Variants in STK24 observed in about 807,000 individuals in gnomAD.
STK24 encodes serine/threonine-protein kinase 24.
A neutral mutation model predicts 55.6 loss-of-function variants in STK24; 21 were observed. The ratio of observed to expected loss-of-function variants is 0.38; its 90% CI spans 0.27 to 0.54. STK24 has a LOEUF of 0.54. Among genes scored for constraint, STK24 ranks in the 20% least tolerant of loss-of-function variants. The pLI is 0.79. For missense variants in STK24, 383 were observed against 538.4 expected, an observed-to-expected ratio of 0.71 and a Z score of 2.86; for synonymous variants, 200 against 215.2, an observed-to-expected ratio of 0.93 and a Z score of 0.62.
intron 5 of STK24, among the ~76,000 whole-genome samples, chr13:98,474,053 G>A (rs536654076): frequency 6.6e-6 from 1 of 152,334 alleles, no homozygotes; most frequent in South Asian, 2.1e-4. Context: ...CCTTTTAACT[G>A]TGTACAGGGT....
intron 3 of STK24, among the ~76,000 whole-genome samples, chr13:98,476,281 A>T (rs1951153636): frequency 6.9e-6 from 1 of 145,122 alleles, no homozygotes; most frequent in African/African-American, 2.5e-5. Flanking sequence ...TCAGTCACAA[A>T]CAGTAATTCC....
At chr13:98,477,860 G>C (rs944723504) in intron 3 of STK24, among the ~76,000 whole-genome samples, 7 of 152,118 alleles carry the variant, frequency 4.6e-5, no homozygotes, top group African/African-American at 1.7e-4. Flanking sequence ...AGGGCGCTAA[G>C]AGGAAGAGGT....
At chr13:98,551,829 A>T (rs552332709) in intron 1 of STK24, among the ~76,000 whole-genome samples, 1 of 152,242 alleles carries the variant, frequency 6.6e-6, no homozygotes, top group Admixed American at 6.5e-5. Flanking sequence ...ACCATGGTGC[A>T]TTAAACATAG....
rs77463847 is a variant in STK24, at chr13:98,569,152, C to A, written c.42+7593G>T. ...TCCAGGAAGAACAGCACAGCCTGCA[C>A]ACACAGAAGCCGGTGCTGGCAGGGC... On this transcript the variant is annotated intron_variant, in intron 1 of 10. Coordinates refer to ENST00000539966, the MANE Select transcript of STK24 (RefSeq NM_001032296.4). Among the ~76,000 whole-genome samples the A allele has an allele frequency of 9.5e-3, 1,449 of 152,298 alleles. 6 individuals are homozygous for A. The highest frequency in any genetic ancestry group is 0.016 in the Non-Finnish European group (1,083 of 68,026).
intron 5 of STK24, among the ~76,000 whole-genome samples, chr13:98,469,546 A>ACCC (rs1245243535): frequency 3.9e-4 from 27 of 69,866 alleles, no homozygotes; most frequent in East Asian, 1.7e-3. Context: ...CCCCCCCCCA[A>ACCC]AAAAAAAAGG....
At chr13:98,541,769 T>G (rs1051416177) in intron 1 of STK24, among the ~76,000 whole-genome samples, 1 of 152,158 alleles carries the variant, frequency 6.6e-6, no homozygotes, top group Non-Finnish European at 1.5e-5. Context: ...CCATGACACT[T>G]TACCCTTTTA....
chr13:98,542,054 G>A (rs1223737567), intron 1 of STK24, among the ~76,000 whole-genome samples: 1 of 152,162 alleles, frequency 6.6e-6, no homozygotes, highest in Non-Finnish European at 1.5e-5. Flanking sequence ...TTCTCCAAGG[G>A]TCCACTAGGA....
At chr13:98,522,044 C>A in intron 1 of STK24, 4 of 1,408,542 alleles carry the variant, frequency 2.8e-6, no homozygotes, top group Admixed American at 6.0e-5. Context: ...CCTTCAAAGT[C>A]ATCTGGACCT....
At chr13:98,458,620 G>A (rs772917777) in intron 9 of STK24, among the ~76,000 whole-genome samples, 2 of 152,184 alleles carry the variant, frequency 1.3e-5, no homozygotes, top group Non-Finnish European at 2.9e-5. Context: ...TACAAGTCCC[G>A]AGAGGGTCAG....
chr13:98,529,264 C>T (rs373579581), intron 1 of STK24, among the ~76,000 whole-genome samples: 1 of 152,144 alleles, frequency 6.6e-6, no homozygotes, highest in African/African-American at 2.4e-5. Flanking sequence ...TCCTCTCTCA[C>T]CCCAACATGC....
chr13:98,548,926 A>T (rs1350416702), intron 1 of STK24, among the ~76,000 whole-genome samples: 1 of 151,556 alleles, frequency 6.6e-6, no homozygotes, highest in Non-Finnish European at 1.5e-5. Context: ...CCTTCAATAC[A>T]CATGTGGCTC....
At chr13:98,526,079 C>A (rs143417292) in intron 1 of STK24, among the ~76,000 whole-genome samples, 216 of 152,240 alleles carry the variant, frequency 1.4e-3, no homozygotes, top group African/African-American at 4.5e-3. Context: ...GGCTGGAGTG[C>A]GGTGGAGGGA....
chr13:98,485,810 G>C (rs1474575414), intron 2 of STK24, among the ~76,000 whole-genome samples: 1 of 152,244 alleles, frequency 6.6e-6, no homozygotes, highest in African/African-American at 2.4e-5. Flanking sequence ...GCTGAAGGTC[G>C]GCCCGGGGGA....
intron 5 of STK24, among the ~76,000 whole-genome samples, chr13:98,469,116 T>C (rs976680284): frequency 1.2e-4 from 19 of 152,226 alleles, no homozygotes; most frequent in Non-Finnish European, 1.5e-5. Context: ...GCCGAACGCC[T>C]GCTTGCGAAC....
At chr13:98,524,039 C>T (rs1416390382) in intron 1 of STK24, among the ~76,000 whole-genome samples, 4 of 152,076 alleles carry the variant, frequency 2.6e-5, no homozygotes, top group East Asian at 1.9e-4. Flanking sequence ...GCTGGCAGCC[C>T]GTCCACACCC....
chr13:98,494,267 G>A (rs12876019), intron 2 of STK24, among the ~76,000 whole-genome samples: 4 of 149,156 alleles, frequency 2.7e-5, no homozygotes, highest in East Asian at 4.1e-4. Flanking sequence ...AAAATTAGCC[G>A]GGCGTAGTGG....
intron 1 of STK24, among the ~76,000 whole-genome samples, chr13:98,560,434 T>C (rs1355985892): frequency 6.6e-6 from 1 of 152,210 alleles, no homozygotes; most frequent in Non-Finnish European, 1.5e-5. Flanking sequence ...TAATTTTAAG[T>C]CATAATATTG....
chr13:98,532,880 A>G (rs1288362959), intron 1 of STK24, among the ~76,000 whole-genome samples: 1 of 152,190 alleles, frequency 6.6e-6, no homozygotes, highest in Admixed American at 6.5e-5. Flanking sequence ...TATCTACCTG[A>G]GCTGTATTAA....
Position 98,446,772 on chromosome 13 carries a change from C to T in STK24, c.*6401G>A, listed in dbSNP as rs1419222294. 10 of 1,614,148 alleles carry T rather than the reference C, an allele frequency of 6.2e-6. No individual in the cohort carries two copies. The highest frequency in any genetic ancestry group is 1.6e-4 in the Middle Eastern group (1 of 6,062). On this transcript the variant is annotated 3_prime_UTR_variant, in exon 11 of 11. Transcript: ENST00000539966. ...TACGTGTTCAAGCTGCACTTCAAGTCCCACGTCTACTACTTCAGGGCGGAA... is the reference window on the plus strand; with the variant it reads ...TACGTGTTCAAGCTGCACTTCAAGTTCCACGTCTACTACTTCAGGGCGGAA...
Sources: allele counts gnomAD v4.1 joint callset (sites outside exome capture counted in the v4.1 genomes callset), GRCh38; gene constraint gnomAD v4.1.1; transcripts MANE v1.5; gene names NCBI Gene and HGNC (gene_info 2026-07-23, HGNC 2026-07-21).